Variants in CAPZB observed in about 807,000 individuals in gnomAD.
CAPZB encodes F-actin-capping protein subunit beta.
A neutral mutation model predicts 38.1 loss-of-function variants in CAPZB; 2 were observed. The ratio of observed to expected loss-of-function variants is 0.05; its 90% confidence interval spans 0.02 to 0.17. CAPZB has a LOEUF of 0.17. Ranked by LOEUF, CAPZB falls within the 10% of genes least tolerant of loss-of-function variation. The probability of loss-of-function intolerance (pLI) is 1.00; values close to 1 mark genes in which losing one functional copy is unlikely to be tolerated. For missense variants in CAPZB, 161 were observed against 334.2 expected, an observed-to-expected ratio of 0.48 and a Z score of 4.04; for synonymous variants, 107 against 127.4, an observed-to-expected ratio of 0.84 and a Z score of 1.08.
intron 1 of CAPZB, among the ~76,000 whole-genome samples, chr1:19,426,589 T>TGGAGCCCACTCAACTGCCCC (rs1553283694): frequency 6.6e-6 from 1 of 152,320 alleles, no homozygotes; most frequent in African/African-American, 2.4e-5. Flanking sequence ...CACACAGGCC[T>TGGAGCCCACTCAACTGCCCC]GGAGCCCACT....
intron 1 of CAPZB, among the ~76,000 whole-genome samples, chr1:19,428,367 C>A (rs2094430784): frequency 6.6e-6 from 1 of 151,848 alleles, no homozygotes; most frequent in Non-Finnish European, 1.5e-5. Flanking sequence ...CATGCCACTG[C>A]ACTCCAGCCT....
At chr1:19,446,159 C>T (rs778939821) in intron 1 of CAPZB, among the ~76,000 whole-genome samples, 12 of 152,222 alleles carry the variant, frequency 7.9e-5, no homozygotes, top group Non-Finnish European at 1.8e-4. Flanking sequence ...TCAGGCTGCA[C>T]TGCCAGGCTC....
At chr1:19,469,743 C>T (rs199973112) in intron 1 of CAPZB, among the ~76,000 whole-genome samples, 56 of 87,458 alleles carry the variant, frequency 6.4e-4, no homozygotes, top group African/African-American at 1.9e-3. Context: ...GAAAAGAATA[C>T]ACACACACAC....
chr1:19,398,864 A>G (rs2094287561), intron 2 of CAPZB, among the ~76,000 whole-genome samples: 1 of 140,710 alleles, frequency 7.1e-6, no homozygotes, highest in African/African-American at 2.7e-5. Flanking sequence ...CCGAATGCTG[A>G]TAGCTGCACA....
chr1:19,379,116 T>A (rs1456206529), intron 3 of CAPZB, among the ~76,000 whole-genome samples: 2 of 149,132 alleles, frequency 1.3e-5, no homozygotes, highest in South Asian at 2.1e-4. Flanking sequence ...TTTTTTTTTT[T>A]AAGACAGAGT....
intron 1 of CAPZB, among the ~76,000 whole-genome samples, chr1:19,425,484 AAAT>A (rs1233792453): frequency 4.6e-5 from 7 of 152,114 alleles, no homozygotes; most frequent in Admixed American, 4.6e-4. Context: ...TTAGGATGTC[AAAT>A]AATAAGGAGG....
intron 1 of CAPZB, 141 bp downstream of exon 1, chr1:19,485,295 A>G: frequency 2.0e-6 from 1 of 504,448 alleles, no homozygotes; most frequent in South Asian, 1.0e-4. Flanking sequence ...GCGGGGAGGG[A>G]CCGGGTCCAC....
At chr1:19,426,692 C>G (rs1277004282) in intron 1 of CAPZB, among the ~76,000 whole-genome samples, 1 of 152,224 alleles carries the variant, frequency 6.6e-6, no homozygotes, top group African/African-American at 2.4e-5. Context: ...CAGGCTCCCA[C>G]TGTTCCAGCT....
intron 1 of CAPZB, among the ~76,000 whole-genome samples, chr1:19,434,256 T>C (rs1351024106): frequency 2.6e-5 from 4 of 152,160 alleles, no homozygotes; most frequent in African/African-American, 9.7e-5. Context: ...TCCTAGCAAT[T>C]AAGGTCTGAA....
chr1:19,347,712 C>G (rs895273397), intron 6 of CAPZB, among the ~76,000 whole-genome samples: 2 of 152,188 alleles, frequency 1.3e-5, no homozygotes, highest in East Asian at 1.9e-4. Flanking sequence ...AGGGTTAATA[C>G]GGAACCCGGA....
chr1:19,348,506 G>T (rs1356307216), intron 6 of CAPZB, among the ~76,000 whole-genome samples: 1 of 152,086 alleles, frequency 6.6e-6, no homozygotes, highest in African/African-American at 2.4e-5. Flanking sequence ...TGGTGGGTGG[G>T]GAGGGATGTG....
chr1:19,429,526 C>A (rs1357207413), intron 1 of CAPZB, among the ~76,000 whole-genome samples: 1 of 152,188 alleles, frequency 6.6e-6, no homozygotes, highest in Non-Finnish European at 1.5e-5. Context: ...TTCTTTAAAA[C>A]CTGGGTCCGA....
intron 1 of CAPZB, among the ~76,000 whole-genome samples, chr1:19,474,619 G>T (rs774484749): frequency 3.9e-5 from 6 of 152,208 alleles, no homozygotes; most frequent in Admixed American, 2.0e-4. Context: ...AGGGCAGCTT[G>T]TAAGTACGGG....
intron 8 of CAPZB, among the ~76,000 whole-genome samples, chr1:19,341,004 A>G (rs147307723): frequency 3.6e-3 from 548 of 152,316 alleles, no homozygotes; most frequent in Middle Eastern, 0.02. Flanking sequence ...ATGGAAGTGA[A>G]GCAGGGCCCA....
In CAPZB at chr1:19,485,534, G is replaced by A; in HGVS notation, c.-96C>T. ...TCCACTTCCCCGGGTGCCCAGGAGT[G>A]AACATCCGGGTCAGCACCCCCCTCC... On this transcript the variant is annotated 5_prime_UTR_variant, in exon 1 of 9. Coordinates refer to ENST00000264202, the MANE Select transcript of CAPZB (RefSeq NM_004930.5). The A allele has an allele frequency of 9.6e-7, 1 of 1,041,298 alleles. No individual in the cohort carries two copies. Among genetic ancestry groups the A allele is most frequent in the Non-Finnish European group, 1.2e-6 (1 of 815,928 alleles). 64.5% of individuals were successfully genotyped at this position (1,041,298 alleles called of 1,614,324 possible).
intron 1 of CAPZB, among the ~76,000 whole-genome samples, chr1:19,444,506 G>A (rs541657987): frequency 1.3e-5 from 2 of 152,114 alleles, no homozygotes; most frequent in African/African-American, 4.8e-5. Flanking sequence ...AGAAAACAGC[G>A]TGCCTAGCCC....
chr1:19,376,615 G>A (rs1351891245), intron 4 of CAPZB, among the ~76,000 whole-genome samples: 3 of 152,190 alleles, frequency 2.0e-5, no homozygotes, highest in Non-Finnish European at 4.4e-5. Context: ...TCAGTCAAGT[G>A]TCTCCTCAAG....
intron 2 of CAPZB, among the ~76,000 whole-genome samples, chr1:19,411,643 T>C (rs2094357327): frequency 1.3e-5 from 2 of 151,978 alleles, no homozygotes; most frequent in Admixed American, 1.3e-4. Flanking sequence ...CTGGATTGCC[T>C]TTACAGAAGG....
chr1:19,456,680 G>A (rs1386776217), intron 1 of CAPZB, among the ~76,000 whole-genome samples: 1 of 152,126 alleles, frequency 6.6e-6, no homozygotes, highest in African/African-American at 2.4e-5. Flanking sequence ...TGACATCCTC[G>A]AACAGACTAT....
Sources: gnomAD v4.1 joint callset for allele counts (sites outside exome capture counted in the v4.1 genomes callset) on GRCh38, gnomAD v4.1.1 for gene constraint, MANE v1.5 for transcripts, NCBI Gene and HGNC (gene_info 2026-07-23, HGNC 2026-07-21) for gene names.